The following SFPQ variants were observed in gnomAD, a reference collection of about 807,000 sequenced individuals.
SFPQ encodes the protein splicing factor, proline- and glutamine-rich.
Under a neutral mutation model 72.9 loss-of-function variants are expected in SFPQ, and 11 were observed. The observed-to-expected ratio is 0.15, with a 90% CI of 0.09 to 0.25. SFPQ has a LOEUF of 0.25. Among genes scored for constraint, SFPQ ranks in the 10% least tolerant of loss-of-function variants. SFPQ has a pLI of 1.00. For missense variants in SFPQ, 847 were observed against 993.3 expected, an observed-to-expected ratio of 0.85 and a Z score of 1.98; for synonymous variants, 506 against 367.3, an observed-to-expected ratio of 1.38 and a Z score of -4.32.
intron 9 of SFPQ, among the ~76,000 whole-genome samples, chr1:35,185,465 G>A (rs1639665756): frequency 6.6e-6 from 1 of 152,218 alleles, no homozygotes; most frequent in South Asian, 2.1e-4. Flanking sequence ...CAATAAAGCA[G>A]TGAGTGACTT....
intron 4 of SFPQ, 35 bp downstream of exon 4, chr1:35,190,463 T>A (rs11264114): frequency 0.095 from 137,981 of 1,455,674 alleles, 29,718 homozygotes; most frequent in East Asian, 0.69. Context: ...TTACACTTGA[T>A]TTAAAAACTG....
downstream of SFPQ, chr1:35,182,778 A>G (rs117660805): frequency 3.1e-4 from 305 of 985,398 alleles, 1 homozygote; most frequent in Admixed American, 5.8e-3. Context: ...TACTTTACCT[A>G]CTGTTAGGAA....
At chr1:35,179,671 G>C (rs548057970), downstream of SFPQ, 4 of 1,055,668 alleles carry the variant, frequency 3.8e-6, no homozygotes, top group South Asian at 9.1e-5. Context: ...ATTCTAAAGT[G>C]CAAAAGCCTA....
At chr1:35,181,454 G>A, downstream of SFPQ, 1 of 1,063,398 alleles carries the variant, frequency 9.4e-7, no homozygotes, top group Non-Finnish European at 1.1e-6. Context: ...TATATTAGTG[G>A]TACAATACAT....
At chr1:35,188,355 CTAAG>C (rs1437984349) in intron 6 of SFPQ, among the ~76,000 whole-genome samples, 1 of 152,166 alleles carries the variant, frequency 6.6e-6, no homozygotes, top group East Asian at 1.9e-4. Context: ...ACCTGAAAAA[CTAAG>C]TACATCTTTT....
intron 1 of SFPQ, 48 bp from the exon 2 acceptor site, chr1:35,191,577 T>C: frequency 7.0e-7 from 1 of 1,429,520 alleles, no homozygotes; most frequent in Non-Finnish European, 9.7e-7. Flanking sequence ...CCTCTGCAAG[T>C]GAAAATCCCC....
chr1:35,182,710 T>C (rs1053595869), downstream of SFPQ: 3 of 985,298 alleles, frequency 3.0e-6, no homozygotes, highest in African/African-American at 3.5e-5. Context: ...ATAGTAAGAA[T>C]TCTACAATGT....
intron 1 of SFPQ, 46 bp downstream of exon 1, chr1:35,192,176 G>A (rs1453430770): frequency 3.8e-6 from 5 of 1,314,384 alleles, no homozygotes; most frequent in South Asian, 2.0e-5. Flanking sequence ...GGAGGGGGCC[G>A]CCGCCATCTT....
At chr1:35,182,419 T>C (rs1254832682), downstream of SFPQ, 6 of 985,268 alleles carry the variant, frequency 6.1e-6, no homozygotes, top group African/African-American at 1.7e-5. Flanking sequence ...TGGTGAATGA[T>C]ATAATGAGCA....
downstream of SFPQ, chr1:35,178,066 A>G: frequency 1.6e-6 from 2 of 1,278,556 alleles, no homozygotes; most frequent in Non-Finnish European, 2.0e-6. Flanking sequence ...AGTTAATATA[A>G]AAGACAAGGG....
rs1052427396 is a variant in SFPQ, at chr1:35,184,053, T to C, written c.*403A>G. 31 of 1,073,926 alleles carry C rather than the reference T, an allele frequency of 2.9e-5. No homozygotes were observed. Among genetic ancestry groups the C allele is most frequent in the Non-Finnish European group, 3.4e-5 (30 of 886,298 alleles). 66.5% of individuals were successfully genotyped at this position (1,073,926 alleles called of 1,614,324 possible). Reference sequence around the variant, plus strand: ...CCATTCAAAGGCCTAGACACTCTCATGCTTTCAATGTGGAATACGTAGCCT... The same window carrying C: ...CCATTCAAAGGCCTAGACACTCTCACGCTTTCAATGTGGAATACGTAGCCT... On this transcript the variant is annotated 3_prime_UTR_variant, in exon 10 of 10. Transcript: ENST00000357214.
Position 35,192,255 on chromosome 1 carries a change from G to C in SFPQ, c.795C>G (p.Gly265=). Residue 265 remains glycine, a synonymous_variant, in exon 1 of 10, where the codon GGC becomes GGG. Coordinates refer to ENST00000357214, the MANE Select transcript of SFPQ (RefSeq NM_005066.3). ...HHQGPPPGGP[G]GRSEEKISDS... is the part of the protein sequence containing the mutation. ...CCGAGATCTTCTCCTCGCTGCGGCC[G>C]CCGGGCCCGCCGGGCGGGGGCCCCT... The C allele has an allele frequency of 6.8e-7, 1 of 1,462,386 alleles. No homozygotes were observed. Among genetic ancestry groups the C allele is most frequent in the South Asian group, 1.3e-5 (1 of 76,810 alleles). 90.6% of individuals were successfully genotyped at this position (1,462,386 alleles called of 1,614,324 possible).
At chr1:35,178,900 A>C (rs58374947), downstream of SFPQ, 1 of 1,044,440 alleles carries the variant, frequency 9.6e-7, no homozygotes, top group Non-Finnish European at 1.2e-6. Flanking sequence ...AAAAAAAAAA[A>C]ATATTTTTTT....
Position 35,187,131 on chromosome 1 carries a change from C to G in SFPQ, c.1865-9G>C. 3 of 1,613,854 alleles carry G rather than the reference C, an allele frequency of 1.9e-6. No homozygotes were observed. Among genetic ancestry groups the G allele is most frequent in the African/African-American group, 1.3e-5 (1 of 74,984 alleles). On this transcript the variant is annotated splice_polypyrimidine_tract_variant and intron_variant, in intron 8 of 9. Transcript: ENST00000357214. ...TCCTGAACCATAGGGATCTAGAAAACAAAAATAGTGGTTACAACTCCACCA... is the reference window on the plus strand; with the variant it reads ...TCCTGAACCATAGGGATCTAGAAAAGAAAAATAGTGGTTACAACTCCACCA...
chr1:35,188,936 G>A (rs553323763), intron 6 of SFPQ, 67 bp downstream of exon 6: 72 of 1,293,396 alleles, frequency 5.6e-5, no homozygotes, highest in Admixed American at 1.3e-4. Flanking sequence ...ACTCCAGCCC[G>A]GGCAACAGAA....
chr1:35,176,731 G>A (rs1047789042), intron 5 of SFPQ, among the ~76,000 whole-genome samples: 2 of 151,962 alleles, frequency 1.3e-5, no homozygotes, highest in Non-Finnish European at 2.9e-5. Flanking sequence ...AAATTAGCCA[G>A]GCGTGTGTGG....
rs1392668244 is a variant in SFPQ, at chr1:35,183,384, A to C, written c.*1072T>G. The C allele has an allele frequency of 3.5e-6, 1 of 285,838 alleles. No individual in the cohort carries two copies. The highest frequency in any genetic ancestry group is 2.3e-5 in the African/African-American group (1 of 43,830). 17.7% of individuals were successfully genotyped at this position (285,838 alleles called of 1,614,324 possible). On this transcript the variant is annotated 3_prime_UTR_variant, in exon 10 of 10. Coordinates refer to ENST00000357214, the MANE Select transcript of SFPQ (RefSeq NM_005066.3). ...AGGCGCCTGCCACCACGCCCAGCTAATTTTTTGTATTTTTAGTAGAGACGG... is the reference window on the plus strand; with the variant it reads ...AGGCGCCTGCCACCACGCCCAGCTACTTTTTTGTATTTTTAGTAGAGACGG...
intron 4 of SFPQ, among the ~76,000 whole-genome samples, chr1:35,189,665 T>C (rs917930652): frequency 7.2e-5 from 11 of 152,258 alleles, no homozygotes; most frequent in African/African-American, 2.4e-4. Flanking sequence ...AAATGTACTG[T>C]AGGCCACACG....
chr1:35,192,149 C>CGCGGGGGCGGGG (rs1321044706), intron 1 of SFPQ, 73 bp downstream of exon 1: 2 of 1,206,202 alleles, frequency 1.7e-6, no homozygotes, highest in East Asian at 6.6e-5. Context: ...GGAAGCCCAG[C>CGCGGGGGCGGGG]GCGGGGGCGG....
Sources: gnomAD v4.1 joint callset for allele counts (sites outside exome capture counted in the v4.1 genomes callset) on GRCh38, gnomAD v4.1.1 for gene constraint, MANE v1.5 for transcripts, NCBI Gene and HGNC (gene_info 2026-07-23, HGNC 2026-07-21) for gene names.